Variants in UBE2W observed in about 807,000 individuals in gnomAD.
UBE2W encodes ubiquitin conjugating enzyme E2 W, also known as ubiquitin-conjugating enzyme E2 W.
In UBE2W, 18 loss-of-function variants were observed where a neutral mutation model predicts 27.2. The ratio of observed to expected loss-of-function variants is 0.66; its 90% confidence interval spans 0.46 to 0.98. The LOEUF (loss-of-function observed/expected upper bound fraction) is 0.98, where lower values mean the gene tolerates loss of function less well. Among genes scored for constraint, UBE2W ranks in the 50% least tolerant of loss-of-function variants. UBE2W has a pLI of 0.00. For synonymous variants in UBE2W, 53 were observed against 57.2 expected, an observed-to-expected ratio of 0.93 and a Z score of 0.33; for missense variants, 90 against 180.2, an observed-to-expected ratio of 0.50 and a Z score of 2.87.
intron 1 of UBE2W, among the ~76,000 whole-genome samples, chr8:73,847,530 G>A (rs916129533): frequency 1.3e-5 from 2 of 152,174 alleles, no homozygotes; most frequent in Non-Finnish European, 2.9e-5. Context: ...ACAGGTACAA[G>A]GAGGATGTTT....
chr8:73,836,949 G>C (rs1481138497), intron 1 of UBE2W, among the ~76,000 whole-genome samples: 1 of 152,200 alleles, frequency 6.6e-6, no homozygotes, highest in East Asian at 1.9e-4. Flanking sequence ...AACCATGGGG[G>C]AAAAGGGAGA....
Position 73,788,846 on chromosome 8 carries a change from C to T in UBE2W, c.*5256G>A. On this transcript the variant is annotated 3_prime_UTR_variant, in exon 6 of 6. Coordinates refer to ENST00000602593, the MANE Select transcript of UBE2W (RefSeq NM_018299.6). Reference sequence around the variant, plus strand: ...GAATTGGATCTCTCCTTTTCCCAGTCAACTCCTCACTCACCATATTAAAAC... The same window carrying T: ...GAATTGGATCTCTCCTTTTCCCAGTTAACTCCTCACTCACCATATTAAAAC... The T allele has an allele frequency of 1.0e-6, 1 of 985,330 alleles. No individual in the cohort carries two copies. The highest frequency in any genetic ancestry group is 4.7e-5 in the South Asian group (1 of 21,270). 61.0% of individuals were successfully genotyped at this position (985,330 alleles called of 1,614,324 possible). A position where few individuals can be genotyped will look rare whatever the true frequency, so the allele number is the denominator to read the frequency against.
downstream of UBE2W, among the ~76,000 whole-genome samples, chr8:73,781,618 G>GT (rs1325920976): frequency 8.9e-5 from 8 of 89,736 alleles, no homozygotes; most frequent in Non-Finnish European, 1.4e-4. Context: ...CTCAGGTTTG[G>GT]GTTTTTTTTT....
Position 73,825,197 on chromosome 8 carries a change from A to AT in UBE2W, c.159dup (p.Phe54IlefsTer6). 6.4e-7 allele frequency: 1 copy of AT among 1,564,330 alleles called. No individual in the cohort carries two copies. The highest frequency in any genetic ancestry group is 8.7e-7 in the Non-Finnish European group (1 of 1,152,916). On this transcript the variant is annotated frameshift_variant, in exon 3 of 6. Coordinates refer to ENST00000602593, the MANE Select transcript of UBE2W (RefSeq NM_018299.6). LOFTEE classifies it high-confidence loss of function. ...CTACTAAATTTAAATAGAAGTTGAA[A>AT]TTTTTCCCCTTCATATAAGGTACCT... is the stretch of plus-strand genomic sequence containing the variant.
rs949296483 is a variant in UBE2W at position 73,791,853 on chromosome 8, T to C, written c.*2249A>G. 5 of 984,868 alleles carry C rather than the reference T, an allele frequency of 5.1e-6. No individual in the cohort carries two copies. Among genetic ancestry groups the C allele is most frequent in the Middle Eastern group, 5.2e-4 (1 of 1,912 alleles). The allele number at this position is 984,868 out of a possible 1,614,324, so 61.0% of individuals were successfully genotyped here. A position where few individuals can be genotyped will look rare whatever the true frequency, so the allele number is the denominator to read the frequency against. On this transcript the variant is annotated 3_prime_UTR_variant, in exon 6 of 6. Coordinates refer to ENST00000602593, the MANE Select transcript of UBE2W (RefSeq NM_018299.6). Reference sequence around the variant, plus strand: ...CTCTGTGTCATTTTAGTTTACTTTATGGTATTTATATGTAGAGAGAGAGGT... The same window carrying C: ...CTCTGTGTCATTTTAGTTTACTTTACGGTATTTATATGTAGAGAGAGAGGT...
At chr8:73,796,403 A>G (rs1020467897) in intron 5 of UBE2W, among the ~76,000 whole-genome samples, 165 of 152,246 alleles carry the variant, frequency 1.1e-3, no homozygotes, top group African/African-American at 3.8e-3. Context: ...CCAGTTAACT[A>G]CCAATAAACT....
At chr8:73,826,626 T>C (rs533368511) in intron 2 of UBE2W, among the ~76,000 whole-genome samples, 8 of 152,166 alleles carry the variant, frequency 5.3e-5, no homozygotes, top group Non-Finnish European at 8.8e-5. Flanking sequence ...CTGAGTACCA[T>C]ACATGGTAAT....
intron 1 of UBE2W, among the ~76,000 whole-genome samples, chr8:73,870,827 GAAAAAA>G (rs60577226): frequency 1.0e-5 from 1 of 99,520 alleles, no homozygotes; most frequent in Non-Finnish European, 2.0e-5. Flanking sequence ...TGAGTGAAAA[GAAAAAA>G]AAAAAAAAAA....
chr8:73,869,675 A>G (rs1811919376), intron 1 of UBE2W, among the ~76,000 whole-genome samples: 1 of 151,964 alleles, frequency 6.6e-6, no homozygotes. Flanking sequence ...TGGGAGACTG[A>G]GCAAGACTCT....
chr8:73,799,612 C>T (rs1332657514), intron 5 of UBE2W, among the ~76,000 whole-genome samples: 1 of 152,176 alleles, frequency 6.6e-6, no homozygotes, highest in Non-Finnish European at 1.5e-5. Context: ...CCAAACCTCT[C>T]TTGCCTCTTT....
intron 3 of UBE2W, among the ~76,000 whole-genome samples, chr8:73,816,746 A>G (rs1308366444): frequency 6.6e-6 from 1 of 152,182 alleles, no homozygotes; most frequent in East Asian, 1.9e-4. Context: ...AAGTCTCTAA[A>G]ACAAGGCCGG....
intron 2 of UBE2W, among the ~76,000 whole-genome samples, chr8:73,827,183 A>T (rs1265411791): frequency 6.6e-6 from 1 of 152,186 alleles, no homozygotes; most frequent in Non-Finnish European, 1.5e-5. Context: ...CACGAGGTCA[A>T]AGGCAGCATA....
intron 5 of UBE2W, among the ~76,000 whole-genome samples, chr8:73,796,873 C>A (rs776950094): frequency 2.2e-5 from 3 of 135,798 alleles, no homozygotes; most frequent in African/African-American, 8.4e-5. Context: ...GACAAACTCA[C>A]CCCCCAACCA....
intron 1 of UBE2W, among the ~76,000 whole-genome samples, chr8:73,859,081 C>G (rs1020666505): frequency 6.6e-6 from 1 of 151,878 alleles, no homozygotes; most frequent in East Asian, 1.9e-4. Flanking sequence ...TCAAGCACAG[C>G]TGACCCTCAA....
intron 1 of UBE2W, among the ~76,000 whole-genome samples, chr8:73,858,539 G>A (rs1347544854): frequency 6.6e-6 from 1 of 151,470 alleles, no homozygotes; most frequent in Non-Finnish European, 1.5e-5. Context: ...TAAAACTACA[G>A]CAGCTGAATT....
At chr8:73,849,425 T>A (rs919700043) in intron 1 of UBE2W, among the ~76,000 whole-genome samples, 2 of 139,008 alleles carry the variant, frequency 1.4e-5, no homozygotes, top group African/African-American at 5.5e-5. Flanking sequence ...GACAGGATAA[T>A]AGCTTGAACA....
chr8:73,868,822 G>C (rs564255801), intron 1 of UBE2W, among the ~76,000 whole-genome samples: 1 of 152,218 alleles, frequency 6.6e-6, no homozygotes, highest in South Asian at 2.1e-4. Flanking sequence ...AAAACACAGA[G>C]TTACTGTATG....
intron 1 of UBE2W, among the ~76,000 whole-genome samples, chr8:73,849,538 A>AAT (rs1810982044): frequency 6.7e-6 from 1 of 149,864 alleles, no homozygotes; most frequent in African/African-American, 2.4e-5. Context: ...AAAAAAAAAA[A>AAT]AAATTGTGTG....
At chr8:73,805,466 A>AAAAAAAAAAAAAAAAAAAAAAAAT (rs1554579971) in intron 5 of UBE2W, among the ~76,000 whole-genome samples, 185 bp downstream of exon 5, 1 of 124,130 alleles carries the variant, frequency 8.1e-6, no homozygotes, top group Non-Finnish European at 1.6e-5. Context: ...AAAAAAAAAA[A>AAAAAAAAAAAAAAAAAAAAAAAAT]AAAAACAAAA....
Sources: gnomAD v4.1 joint callset for allele counts (sites outside exome capture counted in the v4.1 genomes callset) on GRCh38, gnomAD v4.1.1 for gene constraint, MANE v1.5 for transcripts, NCBI Gene and HGNC (gene_info 2026-07-23, HGNC 2026-07-21) for gene names.